Variants in ROBO1 observed in about 807,000 individuals in gnomAD.
The protein encoded by ROBO1 is roundabout guidance receptor 1, also known as roundabout homolog 1.
A neutral mutation model predicts 195.9 loss-of-function variants in ROBO1; 149 were observed. That is an observed-to-expected ratio of 0.76 (90% CI 0.67 to 0.87). The LOEUF (loss-of-function observed/expected upper bound fraction) is 0.87, where lower values mean the gene tolerates loss of function less well. ROBO1 is among the 40% of genes least tolerant of loss of function. The pLI is 0.00. For missense variants in ROBO1, 1,933 were observed against 2,068.3 expected, an observed-to-expected ratio of 0.93 and a Z score of 1.27; for synonymous variants, 816 against 733.2, an observed-to-expected ratio of 1.11 and a Z score of -1.82.
chr3:79,736,531 A>T (rs1703396245), intron 1 of ROBO1, among the ~76,000 whole-genome samples: 1 of 152,198 alleles, frequency 6.6e-6, no homozygotes, highest in South Asian at 2.1e-4. Context: ...TACAAGGGAG[A>T]TGTAATAATA....
At position 78,942,806 on chromosome 3, in the gene ROBO1, C is replaced by T. The variant is rs558387647; in HGVS notation, c.173-3879G>A. Among the ~76,000 whole-genome samples, 58 of 152,324 alleles carry T rather than the reference C, an allele frequency of 3.8e-4. No homozygotes were observed. In the South Asian group the frequency reaches 8.7e-3, roughly 23 times the overall value. ...TAGTGTGTCCCAGCTACTCAGGAGG[C>T]TGAGGTGGAAGGATCACTTGAGCCC... On this transcript the variant is annotated intron_variant, in intron 3 of 30. Transcript: ENST00000464233.
chr3:78,735,629 A>G (rs140742514), intron 5 of ROBO1, among the ~76,000 whole-genome samples: 1 of 152,304 alleles, frequency 6.6e-6, no homozygotes, highest in Non-Finnish European at 1.5e-5. Flanking sequence ...CGGATAAATA[A>G]GCAGGGAAAT....
At chr3:79,762,831 C>T (rs1377822987) in intron 1 of ROBO1, among the ~76,000 whole-genome samples, 1 of 152,072 alleles carries the variant, frequency 6.6e-6, no homozygotes, top group East Asian at 1.9e-4. Context: ...CTTCAAATGG[C>T]TGATCCCAGG....
chr3:79,259,513 C>A (rs2082900123), intron 2 of ROBO1, among the ~76,000 whole-genome samples: 1 of 152,216 alleles, frequency 6.6e-6, no homozygotes, highest in Non-Finnish European at 1.5e-5. Context: ...ATTGTGCTAT[C>A]AAATAGCAGG....
At chr3:79,691,480 G>A (rs559151232) in intron 1 of ROBO1, among the ~76,000 whole-genome samples, 1 of 151,328 alleles carries the variant, frequency 6.6e-6, no homozygotes, top group African/African-American at 2.4e-5. Flanking sequence ...AAATATATAT[G>A]TTTAGCCATG....
intron 3 of ROBO1, among the ~76,000 whole-genome samples, chr3:79,065,271 T>C (rs1341324166): frequency 6.6e-6 from 1 of 151,974 alleles, no homozygotes; most frequent in Non-Finnish European, 1.5e-5. Flanking sequence ...TTAAATGCCA[T>C]ATTCTAATTC....
chr3:79,480,281 C>T (rs1278190657), intron 2 of ROBO1, among the ~76,000 whole-genome samples: 1 of 152,072 alleles, frequency 6.6e-6, no homozygotes, highest in Non-Finnish European at 1.5e-5. Context: ...CATTTTGATT[C>T]TTTGATGCAG....
At chr3:79,664,562 T>A (rs562472678) in intron 1 of ROBO1, among the ~76,000 whole-genome samples, 1 of 152,030 alleles carries the variant, frequency 6.6e-6, no homozygotes, top group Non-Finnish European at 1.5e-5. Context: ...TGGCTTCAAT[T>A]TATTTTTTCA....
At chr3:79,609,647 A>G (rs893160635) in intron 1 of ROBO1, among the ~76,000 whole-genome samples, 1 of 151,960 alleles carries the variant, frequency 6.6e-6, no homozygotes, top group Non-Finnish European at 1.5e-5. Flanking sequence ...GTGGTATAAC[A>G]TACAATGGAG....
At chr3:79,562,239 T>A (rs966810266) in intron 2 of ROBO1, among the ~76,000 whole-genome samples, 2 of 71,550 alleles carry the variant, frequency 2.8e-5, no homozygotes, top group African/African-American at 1.8e-4. Flanking sequence ...TACTTTTTCC[T>A]AAAATCATGC....
chr3:79,105,637 A>C (rs1057402940), intron 3 of ROBO1, among the ~76,000 whole-genome samples: 5 of 151,776 alleles, frequency 3.3e-5, no homozygotes, highest in Non-Finnish European at 4.4e-5. Context: ...ATCTAAATTT[A>C]TATTTATATT....
chr3:79,689,020 T>C (rs1947222058), intron 1 of ROBO1, among the ~76,000 whole-genome samples: 1 of 152,034 alleles, frequency 6.6e-6, no homozygotes, highest in South Asian at 2.1e-4. Flanking sequence ...GCTATTCTAT[T>C]TAACATTGTC....
intron 2 of ROBO1, among the ~76,000 whole-genome samples, chr3:79,176,886 T>A (rs1014346554): frequency 1.3e-5 from 2 of 152,234 alleles, no homozygotes; most frequent in Admixed American, 1.3e-4. Context: ...TATTATTAAA[T>A]GTAAACCTCA....
intron 4 of ROBO1, among the ~76,000 whole-genome samples, chr3:78,831,891 C>T (rs2032248550): frequency 2.0e-5 from 3 of 152,272 alleles, no homozygotes; most frequent in Non-Finnish European, 2.9e-5. Context: ...AAGAACAGCA[C>T]AGGAAAGACC....
At chr3:79,514,875 A>G (rs1402090847) in intron 2 of ROBO1, among the ~76,000 whole-genome samples, 5 of 152,248 alleles carry the variant, frequency 3.3e-5, no homozygotes, top group African/African-American at 1.2e-4. Context: ...TTGTTCTTAA[A>G]GTACCTTTGC....
intron 1 of ROBO1, among the ~76,000 whole-genome samples, chr3:79,751,462 AG>A (rs1322141439): frequency 6.6e-6 from 1 of 152,152 alleles, no homozygotes; most frequent in Non-Finnish European, 1.5e-5. Context: ...AAATTAGGGA[AG>A]GGGGATTAAT....
intron 4 of ROBO1, among the ~76,000 whole-genome samples, chr3:78,891,069 G>A (rs1351806284): frequency 6.6e-6 from 1 of 152,130 alleles, no homozygotes; most frequent in Non-Finnish European, 1.5e-5. Context: ...ACACAAGAAT[G>A]TTAGGAGAAA....
intron 1 of ROBO1, among the ~76,000 whole-genome samples, chr3:79,696,455 A>AT (rs1947450823): frequency 1.5e-5 from 2 of 134,414 alleles, no homozygotes; most frequent in Admixed American, 8.2e-5. Context: ...ATATATCTAA[A>AT]TAATATATAT....
chr3:78,713,774 T>TCA (rs1446116607), intron 8 of ROBO1, among the ~76,000 whole-genome samples: 5 of 152,226 alleles, frequency 3.3e-5, no homozygotes, highest in Admixed American at 6.5e-5. Context: ...CGGTATCCAC[T>TCA]TGGGCTCATA....
Sources: allele counts gnomAD v4.1 joint callset (sites outside exome capture counted in the v4.1 genomes callset), GRCh38; gene constraint gnomAD v4.1.1; transcripts MANE v1.5; gene names NCBI Gene and HGNC (gene_info 2026-07-23, HGNC 2026-07-21).